GALNTL6: variants seen among roughly 807,000 people sequenced by gnomAD.
The protein encoded by GALNTL6 is polypeptide N-acetylgalactosaminyltransferase like 6, also known as polypeptide N-acetylgalactosaminyltransferase-like 6.
A neutral mutation model predicts 73.7 loss-of-function variants in GALNTL6; 46 were observed. That is an observed-to-expected ratio of 0.62 (90% CI 0.49 to 0.80). The LOEUF is 0.80. GALNTL6 is among the 30% of genes least tolerant of loss of function. The probability of loss-of-function intolerance (pLI) is 0.00; values close to 1 mark genes in which losing one functional copy is unlikely to be tolerated. For missense variants in GALNTL6, 604 were observed against 755.0 expected (o/e 0.80, Z 2.34); for synonymous variants, 259 against 263.7 (o/e 0.98, Z 0.17).
chr4:172,645,777 A>C (rs1411482171), intron 5 of GALNTL6, among the ~76,000 whole-genome samples: 1 of 152,044 alleles, frequency 6.6e-6, no homozygotes, highest in East Asian at 1.9e-4. Context: ...ATGGATAGTC[A>C]TGAAGATGTA....
At chr4:172,786,156 G>T (rs1040266169) in intron 5 of GALNTL6, among the ~76,000 whole-genome samples, 2 of 151,490 alleles carry the variant, frequency 1.3e-5, no homozygotes, top group African/African-American at 4.8e-5. Flanking sequence ...ACTCCAATTC[G>T]CTCTAATCAG....
intron 5 of GALNTL6, among the ~76,000 whole-genome samples, chr4:172,361,816 T>C (rs572415947): frequency 6.6e-6 from 1 of 152,268 alleles, no homozygotes; most frequent in South Asian, 2.1e-4. Flanking sequence ...AATATGTTAT[T>C]GGGCATCACC....
intron 5 of GALNTL6, among the ~76,000 whole-genome samples, chr4:172,405,579 T>C (rs1357361773): frequency 1.3e-5 from 2 of 151,532 alleles, no homozygotes; most frequent in African/African-American, 4.8e-5. Context: ...TCTAGGGTTT[T>C]TTATTCTAAT....
intron 2 of GALNTL6, among the ~76,000 whole-genome samples, chr4:172,148,567 A>G (rs1282203304): frequency 6.6e-6 from 1 of 152,234 alleles, no homozygotes; most frequent in Non-Finnish European, 1.5e-5. Flanking sequence ...TACAAGCCTT[A>G]TAACCTAGTA....
At chr4:172,563,316 T>C (rs998834908) in intron 5 of GALNTL6, among the ~76,000 whole-genome samples, 2 of 151,912 alleles carry the variant, frequency 1.3e-5, no homozygotes, top group African/African-American at 4.8e-5. Flanking sequence ...ATCCCTGTTA[T>C]TGCCTACAGG....
intron 5 of GALNTL6, among the ~76,000 whole-genome samples, chr4:172,529,260 T>A (rs190848591): frequency 1.3e-4 from 19 of 151,942 alleles, no homozygotes; most frequent in East Asian, 7.7e-4. Context: ...AGATTTTTTT[T>A]AAAAACTGGT....
chr4:172,989,603 ATGAG>A (rs1340379518), intron 10 of GALNTL6, among the ~76,000 whole-genome samples: 6 of 152,080 alleles, frequency 3.9e-5, no homozygotes, highest in Non-Finnish European at 8.8e-5. Context: ...TCTCATGATA[ATGAG>A]TGAGTTATCA....
intron 2 of GALNTL6, among the ~76,000 whole-genome samples, chr4:172,104,985 TG>T (rs1214481345): frequency 1.3e-5 from 2 of 152,054 alleles, no homozygotes; most frequent in Non-Finnish European, 2.9e-5. Context: ...AGAAACAAAT[TG>T]CCTTGAAAAA....
At chr4:172,831,970 T>C (rs1414695981) in intron 7 of GALNTL6, among the ~76,000 whole-genome samples, 2 of 152,196 alleles carry the variant, frequency 1.3e-5, no homozygotes, top group Non-Finnish European at 2.9e-5. Context: ...TTAATGTCTG[T>C]TGTGTGTAAG....
intron 2 of GALNTL6, among the ~76,000 whole-genome samples, chr4:171,916,927 C>G (rs535154623): frequency 6.6e-6 from 1 of 152,152 alleles, no homozygotes; most frequent in South Asian, 2.1e-4. Context: ...AATCACCTTT[C>G]TGCACCACCC....
At chr4:172,310,987 T>C (rs188348347) in intron 3 of GALNTL6, among the ~76,000 whole-genome samples, 193 of 152,140 alleles carry the variant, frequency 1.3e-3, no homozygotes, top group African/African-American at 4.4e-3. Flanking sequence ...ATATAAGAAA[T>C]TATTAATTCA....
intron 3 of GALNTL6, among the ~76,000 whole-genome samples, chr4:172,236,264 A>G (rs1475177106): frequency 6.6e-6 from 1 of 152,166 alleles, no homozygotes; most frequent in Non-Finnish European, 1.5e-5. Flanking sequence ...AAATCTCACT[A>G]ATCTTTATAA....
intron 2 of GALNTL6, among the ~76,000 whole-genome samples, chr4:171,962,983 G>A (rs187086179): frequency 6.6e-6 from 1 of 151,456 alleles, no homozygotes; most frequent in East Asian, 1.9e-4. Flanking sequence ...GGCCAGGATG[G>A]TCTCAATCTC....
intron 5 of GALNTL6, among the ~76,000 whole-genome samples, chr4:172,719,481 T>TA (rs1219464345): frequency 2.6e-4 from 39 of 151,314 alleles, no homozygotes; most frequent in Non-Finnish European, 2.1e-4. Flanking sequence ...GACAAACATT[T>TA]AAAAAAAAAC....
At chr4:173,017,017 CT>C (rs2126507945) in intron 11 of GALNTL6, among the ~76,000 whole-genome samples, 1 of 152,204 alleles carries the variant, frequency 6.6e-6, no homozygotes, top group Non-Finnish European at 1.5e-5. Context: ...GCTTTTCCCC[CT>C]TTTGCTTGGC....
intron 2 of GALNTL6, among the ~76,000 whole-genome samples, chr4:171,895,189 A>T (rs1420633282): frequency 6.6e-6 from 1 of 152,214 alleles, no homozygotes; most frequent in African/African-American, 2.4e-5. Context: ...AGCTACTAGA[A>T]TTAAAAATAT....
chr4:171,906,965 T>C (rs142508461), intron 2 of GALNTL6, among the ~76,000 whole-genome samples: 86,206 of 151,684 alleles, frequency 0.57, 25,756 homozygotes, highest in African/African-American at 0.77. Context: ...TAAAAACTCT[T>C]AATAAATTAG....
intron 5 of GALNTL6, among the ~76,000 whole-genome samples, chr4:172,472,599 A>G (rs2111465644): frequency 6.6e-6 from 1 of 152,306 alleles, no homozygotes; most frequent in East Asian, 1.9e-4. Context: ...ATACTGGAGT[A>G]GATATGGGCC....
intron 2 of GALNTL6, among the ~76,000 whole-genome samples, chr4:171,907,164 G>C (rs572288976): frequency 0.034 from 5,134 of 151,480 alleles, 266 homozygotes; most frequent in African/African-American, 0.11. Context: ...GCAGGAGAAG[G>C]AAATAAAGGG....
Sources: allele counts gnomAD v4.1 joint callset (sites outside exome capture counted in the v4.1 genomes callset), GRCh38; gene constraint gnomAD v4.1.1; transcripts MANE v1.5; gene names NCBI Gene and HGNC (gene_info 2026-07-23, HGNC 2026-07-21).